The following SGCZ variants were observed in gnomAD, a reference collection of about 807,000 sequenced individuals.
The protein encoded by SGCZ is sarcoglycan zeta.
A neutral mutation model predicts 41.3 loss-of-function variants in SGCZ; 40 were observed. The ratio of observed to expected loss-of-function variants is 0.97; its 90% confidence interval spans 0.75 to 1.26. The LOEUF is 1.26. Ranked by LOEUF, SGCZ falls within the 50% of genes most tolerant of loss-of-function variation. The probability of loss-of-function intolerance (pLI) is 0.00; values close to 1 mark genes in which losing one functional copy is unlikely to be tolerated. For missense variants in SGCZ, 552 were observed against 369.8 expected, an observed-to-expected ratio of 1.49 and a Z score of -4.04; for synonymous variants, 206 against 137.5, an observed-to-expected ratio of 1.50 and a Z score of -3.49.
chr8:14,479,731 C>CT (rs529812029), intron 2 of SGCZ, among the ~76,000 whole-genome samples: 760 of 52,858 alleles, frequency 0.014, 26 homozygotes, highest in African/African-American at 0.027. Flanking sequence ...AATTCTACTT[C>CT]TTTTTTTTTT....
At chr8:14,650,587 A>G (rs189599835) in intron 1 of SGCZ, among the ~76,000 whole-genome samples, 1 of 151,966 alleles carries the variant, frequency 6.6e-6, no homozygotes, top group East Asian at 1.9e-4. Context: ...GCTCCCACTT[A>G]TAAGTGACAG....
intron 2 of SGCZ, among the ~76,000 whole-genome samples, chr8:14,530,435 T>G (rs1803091226): frequency 6.6e-6 from 1 of 152,132 alleles, no homozygotes; most frequent in Non-Finnish European, 1.5e-5. Context: ...TTGATAATAC[T>G]TTCATTAGAT....
chr8:14,534,867 T>C (rs1803246866), intron 2 of SGCZ, among the ~76,000 whole-genome samples: 1 of 152,000 alleles, frequency 6.6e-6, no homozygotes, highest in African/African-American at 2.4e-5. Flanking sequence ...TACTGTACCA[T>C]CTGATGAATA....
chr8:14,563,305 G>A (rs925105364), intron 1 of SGCZ, among the ~76,000 whole-genome samples: 1 of 152,144 alleles, frequency 6.6e-6, no homozygotes, highest in Non-Finnish European at 1.5e-5. Context: ...TTTCTAAAAT[G>A]GAAGTGGAAG....
intron 4 of SGCZ, among the ~76,000 whole-genome samples, chr8:14,175,096 G>A (rs1431351723): frequency 6.6e-6 from 1 of 152,088 alleles, no homozygotes; most frequent in Non-Finnish European, 1.5e-5. Context: ...TTTGGGGTGG[G>A]TTGAGGGGCA....
intron 1 of SGCZ, among the ~76,000 whole-genome samples, chr8:14,991,491 A>T (rs1655341240): frequency 6.6e-6 from 1 of 152,074 alleles, no homozygotes; most frequent in Non-Finnish European, 1.5e-5. Context: ...GTGGCTCATA[A>T]ATGTCTACCT....
chr8:15,179,450 A>C (rs1800098271), intron 1 of SGCZ, among the ~76,000 whole-genome samples: 1 of 152,210 alleles, frequency 6.6e-6, no homozygotes, highest in Non-Finnish European at 1.5e-5. Flanking sequence ...ATCAACAACC[A>C]CTGAAAGTAG....
chr8:15,125,226 A>G (rs1288895934), intron 1 of SGCZ, among the ~76,000 whole-genome samples: 1 of 152,194 alleles, frequency 6.6e-6, no homozygotes, highest in Non-Finnish European at 1.5e-5. Context: ...TAGACTGAAC[A>G]AGGAAAAACT....
At chr8:14,490,162 G>T (rs567167950) in intron 2 of SGCZ, among the ~76,000 whole-genome samples, 1 of 152,008 alleles carries the variant, frequency 6.6e-6, no homozygotes, top group Admixed American at 6.6e-5. Flanking sequence ...CACCATGCCC[G>T]GCCAACTCTC....
At chr8:15,202,858 C>A (rs920843106) in intron 1 of SGCZ, among the ~76,000 whole-genome samples, 1 of 152,056 alleles carries the variant, frequency 6.6e-6, no homozygotes, top group African/African-American at 2.4e-5. Flanking sequence ...CACCTATAAT[C>A]CCAGAACGTC....
At chr8:15,165,323 G>T (rs984195344) in intron 1 of SGCZ, among the ~76,000 whole-genome samples, 2 of 151,278 alleles carry the variant, frequency 1.3e-5, no homozygotes, top group African/African-American at 4.9e-5. Flanking sequence ...TAATTAATTT[G>T]GCCTGAAGAA....
At chr8:14,431,038 CA>C (rs1799929077) in intron 2 of SGCZ, among the ~76,000 whole-genome samples, 1 of 152,034 alleles carries the variant, frequency 6.6e-6, no homozygotes, top group African/African-American at 2.4e-5. Context: ...TGAAAGACAT[CA>C]TAGATGTCAC....
chr8:14,521,863 T>C (rs1000420447), intron 2 of SGCZ, among the ~76,000 whole-genome samples: 2 of 152,130 alleles, frequency 1.3e-5, no homozygotes, highest in African/African-American at 4.8e-5. Flanking sequence ...CATTAAATTT[T>C]TCACCATCAA....
intron 1 of SGCZ, among the ~76,000 whole-genome samples, chr8:14,684,924 A>G (rs1289146547): frequency 6.6e-6 from 1 of 152,164 alleles, no homozygotes; most frequent in African/African-American, 2.4e-5. Context: ...CTCTGTTTAA[A>G]CATGCAGTGG....
intron 1 of SGCZ, among the ~76,000 whole-genome samples, chr8:14,698,884 G>C (rs966508317): frequency 4.0e-5 from 6 of 151,882 alleles, no homozygotes; most frequent in Non-Finnish European, 5.9e-5. Flanking sequence ...GGGTAGAAAG[G>C]TAGATCAAAT....
intron 1 of SGCZ, among the ~76,000 whole-genome samples, chr8:15,109,370 G>A (rs183503269): frequency 6.6e-6 from 1 of 152,118 alleles, no homozygotes; most frequent in African/African-American, 2.4e-5. Flanking sequence ...TTTAAAATTT[G>A]AGAAGGAATG....
chr8:14,629,087 C>T (rs957552439), intron 1 of SGCZ, among the ~76,000 whole-genome samples: 1 of 152,094 alleles, frequency 6.6e-6, no homozygotes, highest in Admixed American at 6.6e-5. Context: ...AAAATTTAAT[C>T]TATCAGTAAG....
chr8:14,413,392 A>AT (rs1004507717), intron 2 of SGCZ, among the ~76,000 whole-genome samples: 72 of 151,876 alleles, frequency 4.7e-4, no homozygotes, highest in African/African-American at 1.5e-3. Flanking sequence ...AATAAGTTCA[A>AT]TTTTTTTGTT....
chr8:15,051,676 TA>T (rs931705279), intron 1 of SGCZ, among the ~76,000 whole-genome samples: 1 of 152,170 alleles, frequency 6.6e-6, no homozygotes, highest in South Asian at 2.1e-4. Flanking sequence ...TACCATTTTT[TA>T]AAAAAATTTA....
Sources: gnomAD v4.1 joint callset for allele counts (sites outside exome capture counted in the v4.1 genomes callset) on GRCh38, gnomAD v4.1.1 for gene constraint, MANE v1.5 for transcripts, NCBI Gene and HGNC (gene_info 2026-07-23, HGNC 2026-07-21) for gene names.